The following SCIN variants were observed in gnomAD, a reference collection of about 807,000 sequenced individuals.
SCIN encodes the protein scinderin.
In SCIN, 91 loss-of-function variants were observed where a neutral mutation model predicts 91.8. The observed-to-expected ratio is 0.99, with a 90% CI of 0.84 to 1.18. The LOEUF (loss-of-function observed/expected upper bound fraction) is 1.18, where lower values mean the gene tolerates loss of function less well. Ranked by LOEUF, SCIN falls within the 50% of genes most tolerant of loss-of-function variation. The probability of loss-of-function intolerance (pLI) is 0.00; values close to 1 mark genes in which losing one functional copy is unlikely to be tolerated. For synonymous variants in SCIN, 367 were observed against 312.6 expected (o/e 1.17, Z -1.84); for missense variants, 1,087 against 863.9 (o/e 1.26, Z -3.24).
At chr7:12,597,083 C>T (rs984324300) in intron 3 of SCIN, among the ~76,000 whole-genome samples, 7 of 152,068 alleles carry the variant, frequency 4.6e-5, no homozygotes, top group African/African-American at 1.2e-4. Flanking sequence ...TCAATACATA[C>T]GTAACTGAAG....
In SCIN at chr7:12,618,256, A is replaced by G. The variant is rs188579302; in HGVS notation, c.667-4545A>G. Among the ~76,000 whole-genome samples, 267 of 152,292 alleles carry G rather than the reference A, an allele frequency of 1.8e-3. 4 individuals carry two copies. The highest frequency in any genetic ancestry group is 4.9e-4 in the Non-Finnish European group (33 of 68,014). ...GCCACATTTCAGGTACTCATTAGCT[A>G]CAAATGGCTAGTGAGAACTGTGTGG... is the stretch of plus-strand genomic sequence containing the variant. On this transcript the variant is annotated intron_variant, in intron 4 of 15. Coordinates refer to ENST00000297029, the MANE Select transcript of SCIN (RefSeq NM_001112706.3).
In SCIN at chr7:12,649,530, G is replaced by T; in HGVS notation, c.1945G>T (p.Asp649Tyr). ...DLAEDDVMLL[D>Y]AWEQIFIWIG... ...AGCTGAAGATGATGTCATGTTACTAGATGCTTGGGAACAGGTAAAACTACA... is the reference window on the plus strand; with the variant it reads ...AGCTGAAGATGATGTCATGTTACTATATGCTTGGGAACAGGTAAAACTACA... Residue 649 changes from aspartate to tyrosine, a missense_variant, in exon 14 of 16, where the codon GAT (aspartate) becomes TAT (tyrosine). Coordinates refer to ENST00000297029, the MANE Select transcript of SCIN (RefSeq NM_001112706.3). The T allele has an allele frequency of 6.3e-7, 1 of 1,598,712 alleles. No individual in the cohort carries two copies. The highest frequency in any genetic ancestry group is 2.2e-5 in the East Asian group (1 of 44,508).
intron 4 of SCIN, among the ~76,000 whole-genome samples, chr7:12,621,333 T>C (rs1783402879): frequency 6.6e-6 from 1 of 152,148 alleles, no homozygotes; most frequent in Admixed American, 6.5e-5. Context: ...CTAAATCCCT[T>C]GGGTTCAATT....
chr7:12,595,420 G>A (rs1378814071), intron 3 of SCIN: 1 of 148,204 alleles, frequency 6.7e-6, no homozygotes, highest in Admixed American at 6.7e-5. Context: ...GCCTAGATAA[G>A]GATCCAGGAA....
chr7:12,613,832 G>T (rs967179283), intron 4 of SCIN, among the ~76,000 whole-genome samples: 1 of 152,130 alleles, frequency 6.6e-6, no homozygotes, highest in Non-Finnish European at 1.5e-5. Context: ...ATTCTGCTCA[G>T]TGGAAACCAA....
At chr7:12,646,422 T>G (rs1783966486) in intron 13 of SCIN, among the ~76,000 whole-genome samples, 1 of 152,194 alleles carries the variant, frequency 6.6e-6, no homozygotes, top group African/African-American at 2.4e-5. Flanking sequence ...GCAGGGGCAC[T>G]GTACCCTCAT....
chr7:12,636,207 C>A, intron 10 of SCIN, 72 bp downstream of exon 10: 1 of 1,057,194 alleles, frequency 9.5e-7, no homozygotes, highest in East Asian at 2.6e-5. Flanking sequence ...CTATAGCTCC[C>A]TCCCAAGTTG....
In SCIN at chr7:12,638,110, A is replaced by C. The variant is rs933942828; in HGVS notation, c.1410+1975A>C. ...AGGACGCTTATTAGTTACCATGAAA[A>C]AGTTTTTGGGTCTTTGTTTTTTAGA... On this transcript the variant is annotated intron_variant, in intron 10 of 15. Coordinates refer to ENST00000297029, the MANE Select transcript of SCIN (RefSeq NM_001112706.3). 2.3e-4 allele frequency among the ~76,000 whole-genome samples: 35 copies of C among 152,108 alleles called. 1 individual carries two copies. The highest frequency in any genetic ancestry group is 1.5e-5 in the Non-Finnish European group (1 of 68,012).
At chr7:12,605,296 G>A (rs113762220) in intron 4 of SCIN, among the ~76,000 whole-genome samples, 28 of 152,034 alleles carry the variant, frequency 1.8e-4, no homozygotes, top group Non-Finnish European at 3.7e-4. Flanking sequence ...TGATCCGCCC[G>A]CCTTGGCCTC....
chr7:12,627,848 T>G (rs1783559740), intron 8 of SCIN, among the ~76,000 whole-genome samples: 1 of 152,164 alleles, frequency 6.6e-6, no homozygotes, highest in African/African-American at 2.4e-5. Flanking sequence ...CTAGGGCTGC[T>G]GAAATCTGGG....
chr7:12,599,457 A>G (rs1033277597), intron 3 of SCIN, among the ~76,000 whole-genome samples: 1 of 151,602 alleles, frequency 6.6e-6, no homozygotes, highest in Non-Finnish European at 1.5e-5. Context: ...TATTCTTGCA[A>G]TTGTAGATTG....
At chr7:12,583,043 C>G (rs6946787) in intron 3 of SCIN, among the ~76,000 whole-genome samples, 21,156 of 151,912 alleles carry the variant, frequency 0.14, 2,615 homozygotes, top group African/African-American at 0.33. Flanking sequence ...GCGAGGGTCC[C>G]TTAACCAGAA....
At chr7:12,593,691 C>A (rs1782775530) in intron 3 of SCIN, among the ~76,000 whole-genome samples, 1 of 152,076 alleles carries the variant, frequency 6.6e-6, no homozygotes, top group African/African-American at 2.4e-5. Flanking sequence ...AGCCTATGGG[C>A]AGCTTTGTTA....
Position 12,656,145 on chromosome 7 carries a change from T to C in SCIN, c.*3430T>C, listed in dbSNP as rs1015207009. The C allele has an allele frequency of 1.3e-5, 2 of 152,204 alleles. No individual in the cohort carries two copies. Among genetic ancestry groups the C allele is most frequent in the Non-Finnish European group, 2.9e-5 (2 of 68,036 alleles). The allele number at this position is 152,204 out of a possible 1,614,324, so 9.4% of individuals were successfully genotyped here. ...TCTGGTAAAGAGAATGGCCTTCACA[T>C]TGTATTTTGAACAATGTTTTGGCCT... On this transcript the variant is annotated 3_prime_UTR_variant, in exon 16 of 16. Coordinates refer to ENST00000297029, the MANE Select transcript of SCIN (RefSeq NM_001112706.3).
intron 10 of SCIN, among the ~76,000 whole-genome samples, chr7:12,638,735 G>T (rs1448718532): frequency 6.6e-6 from 1 of 152,080 alleles, no homozygotes; most frequent in Non-Finnish European, 1.5e-5. Flanking sequence ...CAAGTTAGTA[G>T]ATACAAAAAT....
chr7:12,580,566 C>T lies in SCIN; in HGVS notation c.355-494C>T, dbSNP rs1365446381. On this transcript the variant is annotated intron_variant, in intron 2 of 15. Coordinates refer to ENST00000297029, the MANE Select transcript of SCIN (RefSeq NM_001112706.3). ...GGACCATACATAAGATCAACCCATT[C>T]CTGGCCAGCACTCAACAACCATCTC... Among the ~76,000 whole-genome samples, 3 of 152,138 alleles carry T rather than the reference C, an allele frequency of 2.0e-5. No individual in the cohort carries two copies. In the East Asian group the frequency reaches 5.8e-4, roughly 29 times the overall value.
chr7:12,614,138 A>T (rs1286573172), intron 4 of SCIN, among the ~76,000 whole-genome samples: 2 of 152,164 alleles, frequency 1.3e-5, no homozygotes, highest in Non-Finnish European at 2.9e-5. Context: ...TGTGATATTC[A>T]CTGTTATGGA....
intron 9 of SCIN, among the ~76,000 whole-genome samples, chr7:12,634,560 A>T (rs1008579405): frequency 1.3e-5 from 2 of 152,170 alleles, no homozygotes; most frequent in Non-Finnish European, 2.9e-5. Context: ...TTTTGCACCA[A>T]TCTAATAGTT....
intron 3 of SCIN, chr7:12,596,543 GC>G: frequency 2.3e-6 from 1 of 433,108 alleles, no homozygotes; most frequent in South Asian, 1.7e-5. Context: ...TTGGGGGAGG[GC>G]CCTCTCCTGC....
Sources: allele counts gnomAD v4.1 joint callset (sites outside exome capture counted in the v4.1 genomes callset), GRCh38; gene constraint gnomAD v4.1.1; transcripts MANE v1.5; gene names NCBI Gene and HGNC (gene_info 2026-07-23, HGNC 2026-07-21).